The following HERC3 variants were observed in gnomAD, a reference collection of about 807,000 sequenced individuals.
The protein encoded by HERC3 is probable E3 ubiquitin-protein ligase HERC3.
Under a neutral mutation model 129.9 loss-of-function variants are expected in HERC3, and 58 were observed. That is an observed-to-expected ratio of 0.45 (90% CI 0.36 to 0.56). HERC3 has a LOEUF of 0.56. HERC3 is among the 20% of genes least tolerant of loss of function. HERC3 has a pLI of 0.00. For missense variants in HERC3, 835 were observed against 1,244.2 expected, an observed-to-expected ratio of 0.67 and a Z score of 4.95; for synonymous variants, 430 against 451.0, an observed-to-expected ratio of 0.95 and a Z score of 0.59.
the HERC3 span, among the ~76,000 whole-genome samples, chr4:88,576,661 G>A: frequency 6.6e-6 from 1 of 152,178 alleles, no homozygotes; most frequent in Non-Finnish European, 1.5e-5. Context: ...TTGGGGTGGG[G>A]AGGTGGTAGT....
chr4:88,645,780 A>G (rs1475573191), intron 3 of HERC3, among the ~76,000 whole-genome samples: 1 of 152,076 alleles, frequency 6.6e-6, no homozygotes, highest in African/African-American at 2.4e-5. Context: ...ATTTCTGGAA[A>G]TTTCCACTTA....
chr4:88,527,700 G>A, the HERC3 span: 805 of 300,488 alleles, frequency 2.7e-3, 6 homozygotes, highest in African/African-American at 0.017. Context: ...CCATTATCAC[G>A]GTGGTTGCCT....
chr4:88,589,085 C>T (rs137987921), upstream of HERC3, among the ~76,000 whole-genome samples: 56 of 151,880 alleles, frequency 3.7e-4, 1 homozygote, highest in Non-Finnish European at 1.2e-4. Flanking sequence ...TGTATGTGCA[C>T]GCGTGTGTGC....
intron 7 of HERC3, among the ~76,000 whole-genome samples, chr4:88,654,348 TC>T (rs1729618583): frequency 4.6e-5 from 5 of 109,666 alleles, no homozygotes; most frequent in Non-Finnish European, 8.0e-5. Flanking sequence ...TGTAGATTTT[TC>T]ATATATATAT....
At chr4:88,532,564 C>G in the HERC3 span, among the ~76,000 whole-genome samples, 2 of 152,180 alleles carry the variant, frequency 1.3e-5, no homozygotes, top group Non-Finnish European at 2.9e-5. Context: ...AATTAAAATC[C>G]TAATCTCTTC....
chr4:88,668,521 G>C (rs1227957726), intron 14 of HERC3: 1 of 162,940 alleles, frequency 6.1e-6, no homozygotes, highest in Non-Finnish European at 1.3e-5. Flanking sequence ...TGTTTGTTTT[G>C]TTTTTCTTTT....
At chr4:88,663,012 AAC>A (rs1475324568) in intron 11 of HERC3, among the ~76,000 whole-genome samples, 2 of 152,172 alleles carry the variant, frequency 1.3e-5, no homozygotes, top group East Asian at 1.9e-4. Flanking sequence ...AAAAAAAAAA[AAC>A]AACAGTAAGT....
In HERC3 at chr4:88,601,528, T is replaced by C. The variant is rs189508929; in HGVS notation, c.-29-4267T>C. On this transcript the variant is annotated intron_variant, in intron 2 of 25. Coordinates refer to ENST00000402738, the MANE Select transcript of HERC3 (RefSeq NM_014606.3). ...GTTCTCTCCTGTAGATTGGCTGATATATTCAGCTTTGATGTGTTCGCCTAG... is the reference window on the plus strand; with the variant it reads ...GTTCTCTCCTGTAGATTGGCTGATACATTCAGCTTTGATGTGTTCGCCTAG... Among the ~76,000 whole-genome samples, 297 of 152,380 alleles carry C rather than the reference T, an allele frequency of 1.9e-3. 2 individuals carry two copies. Among genetic ancestry groups the C allele is most frequent in the South Asian group, 6.6e-3 (32 of 4,832 alleles).
chr4:88,693,485 T>C, intron 23 of HERC3: 1 of 973,446 alleles, frequency 1.0e-6, no homozygotes, highest in Non-Finnish European at 1.2e-6. Flanking sequence ...TTACATAGTC[T>C]ACACAGTATT....
Position 88,677,968 on chromosome 4 carries a change from C to A in HERC3, c.2030C>A (p.Ala677Glu). 1 of 1,611,356 alleles carries A rather than the reference C, an allele frequency of 6.2e-7. No individual in the cohort carries two copies. The highest frequency in any genetic ancestry group is 1.1e-5 in the South Asian group (1 of 91,044). ...TTCTTGACTGTGCCATTCCAGGTGG[C>A]AGTCAATGGAGCCAACCTGCAGAAT... is the stretch of plus-strand genomic sequence containing the variant. The part of the protein sequence containing the change: ...QTDAELQMQV[A>E]VNGANLQNVF... Residue 677 changes from alanine to glutamate, a missense_variant, in exon 19 of 26, where the codon GCA (alanine) becomes GAA (glutamate). Ala to Glu is a moderately radical substitution (Grantham distance 107, BLOSUM62 -1). Coordinates refer to ENST00000402738, the MANE Select transcript of HERC3 (RefSeq NM_014606.3).
intron 3 of HERC3, among the ~76,000 whole-genome samples, chr4:88,629,503 T>C (rs1288181458): frequency 2.0e-5 from 3 of 152,244 alleles, no homozygotes; most frequent in African/African-American, 7.2e-5. Context: ...AATCCTAGTT[T>C]CTAATTTTTT....
the HERC3 span, among the ~76,000 whole-genome samples, chr4:88,579,538 T>G: frequency 6.6e-6 from 1 of 152,078 alleles, no homozygotes; most frequent in African/African-American, 2.4e-5. Flanking sequence ...TTGTTATTGG[T>G]ATGTAGAATG....
At chr4:88,558,748 G>A in the HERC3 span, among the ~76,000 whole-genome samples, 1 of 151,918 alleles carries the variant, frequency 6.6e-6, no homozygotes, top group Non-Finnish European at 1.5e-5. Context: ...CGGATCACGA[G>A]GTCAGGAGAT....
chr4:88,587,593 C>T (rs979997441), upstream of HERC3, among the ~76,000 whole-genome samples: 5 of 152,178 alleles, frequency 3.3e-5, no homozygotes, highest in African/African-American at 1.2e-4. Flanking sequence ...TATAGGTATG[C>T]CTTCTTGAAA....
chr4:88,558,007 G>T, the HERC3 span, among the ~76,000 whole-genome samples: 24 of 146,778 alleles, frequency 1.6e-4, no homozygotes, highest in Non-Finnish European at 3.1e-4. Context: ...GGAGGCGGAG[G>T]TTGCGGTGAG....
the HERC3 span, among the ~76,000 whole-genome samples, chr4:88,568,458 T>TAG: frequency 2.6e-5 from 4 of 152,190 alleles, no homozygotes; most frequent in African/African-American, 9.7e-5. Flanking sequence ...CATGGTGCTG[T>TAG]ATTCTACTGT....
intron 3 of HERC3, among the ~76,000 whole-genome samples, chr4:88,617,504 A>T (rs1005658549): frequency 6.6e-6 from 1 of 152,220 alleles, no homozygotes; most frequent in Non-Finnish European, 1.5e-5. Context: ...TCATGATGAA[A>T]TTAAGTAGAT....
At chr4:88,652,285 G>C (rs1322981489) in intron 5 of HERC3, among the ~76,000 whole-genome samples, 197 bp downstream of exon 5, 1 of 152,178 alleles carries the variant, frequency 6.6e-6, no homozygotes, top group Non-Finnish European at 1.5e-5. Flanking sequence ...TGAAGTAGGT[G>C]GTCATCATTG....
chr4:88,643,981 A>T (rs533220857), intron 3 of HERC3, among the ~76,000 whole-genome samples: 1 of 152,218 alleles, frequency 6.6e-6, no homozygotes, highest in Non-Finnish European at 1.5e-5. Context: ...AGAACTTCGA[A>T]CAGACATTTA....
Sources: allele counts gnomAD v4.1 joint callset (sites outside exome capture counted in the v4.1 genomes callset), GRCh38; gene constraint gnomAD v4.1.1; transcripts MANE v1.5; gene names NCBI Gene and HGNC (gene_info 2026-07-23, HGNC 2026-07-21).